Variants in AK2 observed in about 807,000 individuals in gnomAD.
The protein encoded by AK2 is adenylate kinase 2, also known as adenylate kinase 2, mitochondrial.
A neutral mutation model predicts 24.6 loss-of-function variants in AK2; 15 were observed. The observed-to-expected ratio is 0.61, with a 90% CI of 0.41 to 0.94. The LOEUF (loss-of-function observed/expected upper bound fraction) is 0.94. AK2 is among the 40% of genes least tolerant of loss of function. The pLI is 0.00. For synonymous variants in AK2, 102 were observed against 114.0 expected (o/e 0.90, Z 0.67); for missense variants, 257 against 304.1 (o/e 0.85, Z 1.15).
chr1:33,031,940 T>A (rs1263967978), intron 1 of AK2: 1 of 254,490 alleles, frequency 3.9e-6, no homozygotes, highest in Non-Finnish European at 8.0e-6. Flanking sequence ...TATAGATGTT[T>A]TAAAACATTA....
At chr1:33,033,457 T>C (rs1256698311) in intron 1 of AK2, among the ~76,000 whole-genome samples, 1 of 152,140 alleles carries the variant, frequency 6.6e-6, no homozygotes, top group East Asian at 1.9e-4. Context: ...GAGCTATGAT[T>C]GGGCTACTAC....
At chr1:33,017,758 T>C (rs527857185) in intron 4 of AK2, among the ~76,000 whole-genome samples, 3 of 152,102 alleles carry the variant, frequency 2.0e-5, no homozygotes, top group Admixed American at 2.0e-4. Flanking sequence ...TGTGATACTT[T>C]ATTTTTATTT....
rs750916044 is a variant in AK2, at chr1:33,011,181, AC to A, written c.*1999del. On this transcript the variant is annotated 3_prime_UTR_variant, in exon 6 of 6. Transcript: ENST00000672715. ...ACATAAAATTAGCAAACATTCAAGA[AC>A]CTCAACTTTGAGGCCAAGTGCTTAC... 45 of 1,314,352 alleles carry A rather than the reference AC, an allele frequency of 3.4e-5. 1 individual carries two copies. In the South Asian group the frequency reaches 6.3e-4, roughly 18 times the overall value. 81.4% of individuals were successfully genotyped at this position (1,314,352 alleles called of 1,614,324 possible).
At chr1:33,027,874 C>G (rs1302435872) in intron 1 of AK2, among the ~76,000 whole-genome samples, 2 of 152,120 alleles carry the variant, frequency 1.3e-5, no homozygotes, top group African/African-American at 2.4e-5. Flanking sequence ...CAGATTTACA[C>G]TTGATTCCTA....
rs1569774985 is a variant in AK2 at position 33,036,861 on chromosome 1, C to T, written c.-33G>A. 2 of 1,544,692 alleles carry T rather than the reference C, an allele frequency of 1.3e-6. No individual in the cohort carries two copies. Among genetic ancestry groups the T allele is most frequent in the East Asian group, 2.4e-5 (1 of 41,922 alleles). On this transcript the variant is annotated 5_prime_UTR_variant, in exon 1 of 6. Coordinates refer to ENST00000672715, the MANE Select transcript of AK2 (RefSeq NM_001625.4). Reference sequence around the variant, plus strand: ...GAAGTCTCTCACTGCCACCAGTTCGCACGCCTCACAGGTCCAGTGCTTCCC... The same window carrying T: ...GAAGTCTCTCACTGCCACCAGTTCGTACGCCTCACAGGTCCAGTGCTTCCC...
rs1638886996 is a variant in AK2, at chr1:33,012,464, G to A, written c.*717C>T. 1 of 1,421,274 alleles carries A rather than the reference G, an allele frequency of 7.0e-7. No individual in the cohort carries two copies. Among genetic ancestry groups the A allele is most frequent in the Admixed American group, 2.1e-5 (1 of 47,632 alleles). 88.0% of individuals were successfully genotyped at this position (1,421,274 alleles called of 1,614,324 possible). ...GCCATCAGGAACTGTGACCCTGCCT[G>A]ACTTCACATGATCCTGGACTTCTAA... On this transcript the variant is annotated 3_prime_UTR_variant, in exon 6 of 6. Transcript: ENST00000672715.
chr1:33,030,489 GGCTTCAATGAACTATGACCGT>G, intron 1 of AK2, among the ~76,000 whole-genome samples: 1 of 152,188 alleles, frequency 6.6e-6, no homozygotes, highest in African/African-American at 2.4e-5. Context: ...AGGAGTTCGA[GGCTTCAATGAACTATGACCGT>G]GCCATTGCAC....
chr1:33,036,653 C>G, intron 1 of AK2, 83 bp downstream of exon 1: 1 of 1,311,926 alleles, frequency 7.6e-7, no homozygotes, highest in Non-Finnish European at 1.1e-6. Context: ...CCGCTCCGGG[C>G]AGGTCCAGGG....
chr1:33,015,720 G>T (rs996752846), intron 4 of AK2, among the ~76,000 whole-genome samples: 3 of 151,920 alleles, frequency 2.0e-5, no homozygotes, highest in African/African-American at 7.3e-5. Flanking sequence ...GCGAAACCCC[G>T]TTTCTACTAA....
chr1:33,034,914 T>C (rs1640484632), intron 1 of AK2, among the ~76,000 whole-genome samples: 1 of 151,990 alleles, frequency 6.6e-6, no homozygotes, highest in Non-Finnish European at 1.5e-5. Flanking sequence ...TAGCTGGGCA[T>C]GGTAGCATGT....
Position 33,010,907 on chromosome 1 carries a change from T to G in AK2, c.*2274A>C, listed in dbSNP as rs763560437. The G allele has an allele frequency of 5.9e-5, 95 of 1,607,248 alleles. 1 individual carries two copies. Among genetic ancestry groups the G allele is most frequent in the Non-Finnish European group, 7.0e-5 (82 of 1,176,840 alleles). On this transcript the variant is annotated 3_prime_UTR_variant, in exon 6 of 6. Transcript: ENST00000672715. ...AAGTACATATCAGAGGAGGCTGGCA[T>G]GTAAGCCCCAGCAACCAAATGCATT...
At chr1:33,031,673 G>A in intron 1 of AK2, 1 of 456,018 alleles carries the variant, frequency 2.2e-6, no homozygotes, top group Non-Finnish European at 4.4e-6. Flanking sequence ...TGTAAAAGGG[G>A]AAATAAGAGT....
chr1:33,024,200 TG>T, intron 2 of AK2: 1 of 545,988 alleles, frequency 1.8e-6, no homozygotes, highest in Non-Finnish European at 3.3e-6. Flanking sequence ...TCCTATAATC[TG>T]CCAGTTTGTT....
chr1:33,034,588 C>T (rs541020039), intron 1 of AK2, among the ~76,000 whole-genome samples: 1 of 152,250 alleles, frequency 6.6e-6, no homozygotes, highest in South Asian at 2.1e-4. Flanking sequence ...GTTAGGTGCT[C>T]ATGAAATGCT....
rs1428697422 is a variant in AK2, at chr1:33,008,563, T to C, written c.*4618A>G. The C allele has an allele frequency of 6.6e-6, 3 of 453,962 alleles. No individual in the cohort carries two copies. The highest frequency in any genetic ancestry group is 1.3e-5 in the Non-Finnish European group (3 of 226,792). 28.1% of individuals were successfully genotyped at this position (453,962 alleles called of 1,614,324 possible). Reference sequence around the variant, plus strand: ...CCTGTGTGCAGAGCTACGCAAGTAATTAAATCACTTCAGCAACAAGATCAA... The same window carrying C: ...CCTGTGTGCAGAGCTACGCAAGTAACTAAATCACTTCAGCAACAAGATCAA... On this transcript the variant is annotated 3_prime_UTR_variant, in exon 6 of 6. Coordinates refer to ENST00000672715, the MANE Select transcript of AK2 (RefSeq NM_001625.4).
In AK2 at chr1:33,010,577, C is replaced by G. The variant is rs1162868126; in HGVS notation, c.*2604G>C. 5 of 908,820 alleles carry G rather than the reference C, an allele frequency of 5.5e-6. No homozygotes were observed. The East Asian group carries it at 1.3e-4, about 24-fold the overall frequency. The allele number at this position is 908,820 out of a possible 1,614,324, so 56.3% of individuals were successfully genotyped here. ...AAATAATATTGTGTCTATTTCTACC[C>G]CCACCCTCCAAGCATGGTGTTTTTT... On this transcript the variant is annotated 3_prime_UTR_variant, in exon 6 of 6. Coordinates refer to ENST00000672715, the MANE Select transcript of AK2 (RefSeq NM_001625.4).
At position 33,020,204 on chromosome 1, in the gene AK2, C is replaced by T. The variant is rs776042825; in HGVS notation, c.425+1163G>A. ...ACATGTTAAAACACACACACACACA[C>T]ACACACACACACACACACACACACA... On this transcript the variant is annotated intron_variant, in intron 4 of 5. Transcript: ENST00000672715. 7.9e-3 allele frequency: 9,948 copies of T among 1,251,638 alleles called. 513 individuals carry two copies. The African/African-American group carries it at 0.12, about 16-fold the overall frequency. The allele number at this position is 1,251,638 out of a possible 1,614,324, so 77.5% of individuals were successfully genotyped here. A position where few individuals can be genotyped will look rare whatever the true frequency, so the allele number is the denominator to read the frequency against.
In AK2 at chr1:33,011,621, A is replaced by G; in HGVS notation, c.*1560T>C. 1.6e-6 allele frequency: 2 copies of G among 1,290,008 alleles called. No individual in the cohort carries two copies. The highest frequency in any genetic ancestry group is 2.0e-6 in the Non-Finnish European group (2 of 990,770). The allele number at this position is 1,290,008 out of a possible 1,614,324, so 79.9% of individuals were successfully genotyped here. A position where few individuals can be genotyped will look rare whatever the true frequency, so the allele number is the denominator to read the frequency against. ...GCAGCAGATTATGCTGAGGCTGGCG[A>G]TATTATTTACTGGATCTGCCACTGA... On this transcript the variant is annotated 3_prime_UTR_variant, in exon 6 of 6. Transcript: ENST00000672715.
chr1:33,021,302 G>T, intron 4 of AK2, 65 bp downstream of exon 4: 1 of 1,399,996 alleles, frequency 7.1e-7, no homozygotes, highest in South Asian at 1.2e-5. Flanking sequence ...GATTAGGCAA[G>T]AGCAATTCTC....
Sources: gnomAD v4.1 joint callset for allele counts (sites outside exome capture counted in the v4.1 genomes callset) on GRCh38, gnomAD v4.1.1 for gene constraint, MANE v1.5 for transcripts, NCBI Gene and HGNC (gene_info 2026-07-23, HGNC 2026-07-21) for gene names.